Variants in FBXL17 observed in about 807,000 individuals in gnomAD.
The protein encoded by FBXL17 is F-box/LRR-repeat protein 17.
FBXL17 carries 22 observed loss-of-function variants against 66.2 expected under a neutral mutation model. That is an observed-to-expected ratio of 0.33 (90% CI 0.24 to 0.47). The LOEUF is 0.47. Among genes scored for constraint, FBXL17 ranks in the 20% least tolerant of loss-of-function variants. The pLI is 1.00. For missense variants in FBXL17, 878 were observed against 948.2 expected (o/e 0.93, Z 0.97); for synonymous variants, 474 against 400.5 (o/e 1.18, Z -2.19).
chr5:108,026,502 C>T (rs1209035635), intron 6 of FBXL17, among the ~76,000 whole-genome samples: 1 of 152,136 alleles, frequency 6.6e-6, no homozygotes, highest in Non-Finnish European at 1.5e-5. Context: ...TAAAGATGTG[C>T]TCATAGAAGA....
At chr5:108,213,928 G>GGGGAAAAA (rs1754486001) in intron 5 of FBXL17, among the ~76,000 whole-genome samples, 1 of 152,150 alleles carries the variant, frequency 6.6e-6, no homozygotes, top group South Asian at 2.1e-4. Context: ...CAGATATACA[G>GGGGAAAAA]TTTTCAATTA....
intron 6 of FBXL17, among the ~76,000 whole-genome samples, chr5:108,057,540 T>C (rs930673177): frequency 2.0e-5 from 3 of 152,168 alleles, no homozygotes; most frequent in Non-Finnish European, 2.9e-5. Flanking sequence ...GCCTTTCTGA[T>C]GCATGGATTT....
chr5:108,169,599 G>A (rs1252215615), intron 6 of FBXL17, among the ~76,000 whole-genome samples: 2 of 152,076 alleles, frequency 1.3e-5, no homozygotes, highest in African/African-American at 4.8e-5. Flanking sequence ...CACGTTGTCA[G>A]TTAGGCTAAA....
In FBXL17 at chr5:107,875,485, T is replaced by A. The variant is rs554427570; in HGVS notation, c.1965+5552A>T. On this transcript the variant is annotated intron_variant, in intron 8 of 8. Coordinates refer to ENST00000542267, the MANE Select transcript of FBXL17 (RefSeq NM_001163315.3). ...CTTCCTGAAATATGCAGTGGTCAAT[T>A]TTTCCTGAATATTTTTACATTAAAT... Among the ~76,000 whole-genome samples the A allele has an allele frequency of 7.9e-5, 12 of 152,202 alleles. No homozygotes were observed. The South Asian group carries it at 8.3e-4, about 10-fold the overall frequency.
intron 4 of FBXL17, among the ~76,000 whole-genome samples, chr5:108,294,191 C>T (rs924461828): frequency 6.9e-6 from 1 of 145,102 alleles, no homozygotes; most frequent in Non-Finnish European, 1.5e-5. Flanking sequence ...AACTACATAT[C>T]AACAGTATTT....
At chr5:108,361,887 G>A (rs1329416311) in intron 3 of FBXL17, among the ~76,000 whole-genome samples, 1 of 152,102 alleles carries the variant, frequency 6.6e-6, no homozygotes, top group African/African-American at 2.4e-5. Context: ...CAGGGATCTG[G>A]GTCCCACACT....
At chr5:107,995,337 C>G (rs1723203940) in intron 7 of FBXL17, among the ~76,000 whole-genome samples, 1 of 152,106 alleles carries the variant, frequency 6.6e-6, no homozygotes, top group East Asian at 1.9e-4. Context: ...AAAACACATG[C>G]TGTTTGAAAA....
intron 3 of FBXL17, among the ~76,000 whole-genome samples, chr5:108,358,446 G>T (rs114827069): frequency 4.6e-5 from 7 of 151,110 alleles, no homozygotes; most frequent in African/African-American, 7.3e-5. Flanking sequence ...AAGATGACTG[G>T]TTTTTTTTTC....
intron 7 of FBXL17, among the ~76,000 whole-genome samples, chr5:107,936,794 G>A (rs1434293067): frequency 6.6e-6 from 1 of 151,966 alleles, no homozygotes; most frequent in Non-Finnish European, 1.5e-5. Flanking sequence ...GTAAATATGA[G>A]GCTGGGTGGC....
At chr5:108,109,194 T>C (rs1256012107) in intron 6 of FBXL17, among the ~76,000 whole-genome samples, 1 of 152,000 alleles carries the variant, frequency 6.6e-6, no homozygotes, top group Non-Finnish European at 1.5e-5. Flanking sequence ...CTGATGAGGG[T>C]CAGGACACAC....
chr5:107,946,710 A>G (rs1751312894), intron 7 of FBXL17, among the ~76,000 whole-genome samples: 1 of 152,068 alleles, frequency 6.6e-6, no homozygotes, highest in African/African-American at 2.4e-5. Flanking sequence ...TATTAAGAAA[A>G]TAATCATAAT....
At chr5:108,087,949 A>C (rs773459165) in intron 6 of FBXL17, among the ~76,000 whole-genome samples, 15 of 152,216 alleles carry the variant, frequency 9.9e-5, no homozygotes, top group Non-Finnish European at 2.2e-4. Context: ...TTTTTTAAAA[A>C]ACAAAAATTG....
intron 4 of FBXL17, among the ~76,000 whole-genome samples, chr5:108,250,980 T>A (rs1381295787): frequency 6.6e-6 from 1 of 151,500 alleles, no homozygotes; most frequent in African/African-American, 2.4e-5. Flanking sequence ...ATCAATTCCA[T>A]ATTGATAGAT....
chr5:108,130,439 C>T (rs1750886391), intron 6 of FBXL17, among the ~76,000 whole-genome samples: 1 of 151,942 alleles, frequency 6.6e-6, no homozygotes, highest in African/African-American at 2.4e-5. Flanking sequence ...AGAATGATTA[C>T]TACGCCTTTG....
chr5:108,372,427 T>G (rs1243103029), intron 1 of FBXL17, among the ~76,000 whole-genome samples: 1 of 152,010 alleles, frequency 6.6e-6, no homozygotes, highest in Non-Finnish European at 1.5e-5. Flanking sequence ...GCTCATAAAC[T>G]CAATGAATTC....
rs1210700978 is a variant in FBXL17, at chr5:107,981,822, T to A, written c.1822+39103A>T. 2.0e-5 allele frequency among the ~76,000 whole-genome samples: 3 copies of A among 152,210 alleles called. 1 individual carries two copies. The South Asian group carries it at 6.2e-4, about 31-fold the overall frequency. On this transcript the variant is annotated intron_variant, in intron 7 of 8. Coordinates refer to ENST00000542267, the MANE Select transcript of FBXL17 (RefSeq NM_001163315.3). ...ACAGCATTGATTCTAGAGCCACATCTACCTGAATTTTTTACCCCACCATGC... is the reference window on the plus strand; with the variant it reads ...ACAGCATTGATTCTAGAGCCACATCAACCTGAATTTTTTACCCCACCATGC...
At chr5:108,065,377 A>G (rs550055309) in intron 6 of FBXL17, among the ~76,000 whole-genome samples, 2 of 152,340 alleles carry the variant, frequency 1.3e-5, no homozygotes, top group African/African-American at 4.8e-5. Flanking sequence ...AACAGCTACA[A>G]TGGAATTTCT....
chr5:108,272,948 G>A (rs1757336280), intron 4 of FBXL17, among the ~76,000 whole-genome samples: 1 of 152,076 alleles, frequency 6.6e-6, no homozygotes. Context: ...TTCCCTAAGT[G>A]TCGGCCAGCT....
intron 7 of FBXL17, among the ~76,000 whole-genome samples, chr5:107,993,112 G>A (rs1473167701): frequency 6.6e-6 from 1 of 152,128 alleles, no homozygotes; most frequent in Non-Finnish European, 1.5e-5. Context: ...AGCCAGGATG[G>A]TCTCGATCTC....
Sources: allele counts gnomAD v4.1 joint callset (sites outside exome capture counted in the v4.1 genomes callset), GRCh38; gene constraint gnomAD v4.1.1; transcripts MANE v1.5; gene names NCBI Gene and HGNC (gene_info 2026-07-23, HGNC 2026-07-21).